NUP160: variants seen among roughly 807,000 people sequenced by gnomAD.
NUP160 encodes nucleoporin 160, also known as nuclear pore complex protein Nup160.
NUP160 carries 94 observed loss-of-function variants against 196.9 expected under a neutral mutation model. The ratio of observed to expected loss-of-function variants is 0.48; its 90% CI spans 0.40 to 0.57. NUP160 has a LOEUF of 0.57. Among genes scored for constraint, NUP160 ranks in the 20% least tolerant of loss-of-function variants. The pLI, the probability that NUP160 is intolerant of heterozygous loss-of-function variation, is 0.00. For missense variants in NUP160, 1,638 were observed against 1,748.3 expected, an observed-to-expected ratio of 0.94 and a Z score of 1.13; for synonymous variants, 605 against 619.7, an observed-to-expected ratio of 0.98 and a Z score of 0.35.
intron 35 of NUP160, chr11:47,779,600 A>G (rs1355099772): frequency 1.9e-6 from 1 of 518,268 alleles, no homozygotes; most frequent in South Asian, 1.4e-5. Context: ...AGCCATCACT[A>G]TAATGACTCA....
intron 7 of NUP160, among the ~76,000 whole-genome samples, chr11:47,834,392 G>A (rs574709929): frequency 6.6e-6 from 1 of 152,200 alleles, no homozygotes; most frequent in African/African-American, 2.4e-5. Flanking sequence ...TAGAGGAGAT[G>A]GATAGGTATG....
intron 23 of NUP160, among the ~76,000 whole-genome samples, chr11:47,801,150 C>T (rs2097673945): frequency 6.6e-6 from 1 of 152,152 alleles, no homozygotes; most frequent in Non-Finnish European, 1.5e-5. Context: ...AGGCTAAATA[C>T]AGCATTACTA....
chr11:47,800,890 T>C (rs1183989362), intron 23 of NUP160, among the ~76,000 whole-genome samples: 1 of 152,124 alleles, frequency 6.6e-6, no homozygotes, highest in Non-Finnish European at 1.5e-5. Context: ...TAAAAAAGCT[T>C]TTCTGCACAG....
chr11:47,847,250 C>A (rs1199118123), intron 2 of NUP160, among the ~76,000 whole-genome samples: 3 of 152,136 alleles, frequency 2.0e-5, no homozygotes, highest in Non-Finnish European at 4.4e-5. Flanking sequence ...TGGCTAACCT[C>A]GTGTCCTTTA....
chr11:47,800,250 AG>A (rs2135360884), intron 23 of NUP160, among the ~76,000 whole-genome samples: 1 of 151,330 alleles, frequency 6.6e-6, no homozygotes, highest in South Asian at 2.1e-4. Flanking sequence ...CAAAAAAAAA[AG>A]GAAAAAAAAA....
chr11:47,846,141 G>GA (rs577714628), intron 2 of NUP160, among the ~76,000 whole-genome samples: 10,723 of 93,684 alleles, frequency 0.11, 431 homozygotes, highest in African/African-American at 0.17. Context: ...CTCTCAAAAA[G>GA]AAAAAAAAAA....
chr11:47,798,293 A>G (rs1274362774), intron 24 of NUP160, 31 bp from the exon 25 acceptor site: 2 of 1,560,090 alleles, frequency 1.3e-6, no homozygotes, highest in African/African-American at 2.7e-5. Flanking sequence ...AAATATCAAA[A>G]AGAGCAATAG....
At chr11:47,806,617 CA>C (rs2097677807) in intron 19 of NUP160, 1 of 282,092 alleles carries the variant, frequency 3.5e-6, no homozygotes, top group Non-Finnish European at 6.6e-6. Flanking sequence ...CCCAGGATTT[CA>C]ACTTTTATAC....
intron 29 of NUP160, among the ~76,000 whole-genome samples, chr11:47,789,936 A>T (rs973763044): frequency 3.4e-4 from 50 of 147,410 alleles, no homozygotes; most frequent in Non-Finnish European, 5.5e-4. Flanking sequence ...TGTATTTTAT[A>T]TACTGTACTT....
chr11:47,780,208 C>T, intron 35 of NUP160, 135 bp downstream of exon 35: 3 of 619,684 alleles, frequency 4.8e-6, no homozygotes, highest in Non-Finnish European at 5.9e-6. Context: ...TATAAAGGGA[C>T]TGGGCAGTTT....
intron 7 of NUP160, among the ~76,000 whole-genome samples, chr11:47,824,779 G>A (rs1440126022): frequency 6.6e-6 from 1 of 151,194 alleles, no homozygotes; most frequent in African/African-American, 2.4e-5. Flanking sequence ...AGCTAGTAAT[G>A]CAGGCATGTT....
chr11:47,836,693 C>T (rs773607708), intron 6 of NUP160, among the ~76,000 whole-genome samples, 194 bp downstream of exon 6: 7 of 151,970 alleles, frequency 4.6e-5, no homozygotes, highest in Non-Finnish European at 1.0e-4. Context: ...ATAATTTTTC[C>T]AAATAAAAAG....
At chr11:47,842,962 G>A (rs1439323693) in intron 2 of NUP160, among the ~76,000 whole-genome samples, 3 of 152,030 alleles carry the variant, frequency 2.0e-5, no homozygotes, top group African/African-American at 4.8e-5. Flanking sequence ...ACTCCAGCCT[G>A]GGTGACAGAG....
At chr11:47,805,779 T>C (rs557271765) in intron 20 of NUP160, among the ~76,000 whole-genome samples, 7 of 152,042 alleles carry the variant, frequency 4.6e-5, no homozygotes, top group East Asian at 1.9e-4. Flanking sequence ...AGGTATTTCA[T>C]TACATAGGCA....
At chr11:47,804,706 A>G in intron 20 of NUP160, 88 bp from the exon 21 acceptor site, 1 of 844,902 alleles carries the variant, frequency 1.2e-6, no homozygotes, top group Admixed American at 3.0e-5. Context: ...AGTCCATAAA[A>G]TAGCTTAATT....
chr11:47,816,545 C>T (rs2097684566), intron 11 of NUP160, among the ~76,000 whole-genome samples: 1 of 152,096 alleles, frequency 6.6e-6, no homozygotes, highest in South Asian at 2.1e-4. Context: ...GAGGCTGAGG[C>T]GGGTGGATCA....
At chr11:47,819,594 A>AT (rs763570291) in intron 9 of NUP160, 136 bp from the exon 10 acceptor site, 118 of 484,544 alleles carry the variant, frequency 2.4e-4, no homozygotes, top group East Asian at 2.7e-4. Flanking sequence ...TATTAAAAAC[A>AT]TTTTTTTTTA....
At chr11:47,812,798 T>A in intron 15 of NUP160, 84 bp downstream of exon 15, 1 of 1,122,170 alleles carries the variant, frequency 8.9e-7, no homozygotes, top group Non-Finnish European at 1.3e-6. Flanking sequence ...CTGTACGCTC[T>A]GGAACATACA....
intron 28 of NUP160, 132 bp downstream of exon 28, chr11:47,792,654 T>G: frequency 1.2e-6 from 1 of 848,988 alleles, no homozygotes; most frequent in Non-Finnish European, 1.8e-6. Flanking sequence ...ATAGATTTTT[T>G]TCACAAATAT....
Sources: gnomAD v4.1 joint callset for allele counts (sites outside exome capture counted in the v4.1 genomes callset) on GRCh38, gnomAD v4.1.1 for gene constraint, MANE v1.5 for transcripts, NCBI Gene and HGNC (gene_info 2026-07-23, HGNC 2026-07-21) for gene names.